Variants in IFT52 observed in about 807,000 individuals in gnomAD.
IFT52 encodes intraflagellar transport protein 52 homolog.
A neutral mutation model predicts 54.4 loss-of-function variants in IFT52; 44 were observed. That is an observed-to-expected ratio of 0.81 (90% CI 0.63 to 1.04). The LOEUF (loss-of-function observed/expected upper bound fraction) is 1.04, where lower values mean the gene tolerates loss of function less well. Among genes scored for constraint, IFT52 ranks in the 50% least tolerant of loss-of-function variants. IFT52 has a pLI of 0.00. For synonymous variants in IFT52, 181 were observed against 185.3 expected (o/e 0.98, Z 0.19); for missense variants, 452 against 523.6 (o/e 0.86, Z 1.33).
intron 1 of IFT52, among the ~76,000 whole-genome samples, chr20:43,591,686 T>C (rs1191460250): frequency 6.6e-6 from 1 of 152,136 alleles, no homozygotes. Context: ...TTAATGCTAA[T>C]AAGGGAGATT....
At chr20:43,621,458 T>A (rs1015625198) in intron 9 of IFT52, among the ~76,000 whole-genome samples, 26 of 152,198 alleles carry the variant, frequency 1.7e-4, no homozygotes, top group Non-Finnish European at 3.2e-4. Flanking sequence ...ATTAAAAAAA[T>A]TTTTTATTGT....
At chr20:43,603,039 AT>A (rs1982581150) in intron 3 of IFT52, among the ~76,000 whole-genome samples, 1 of 152,182 alleles carries the variant, frequency 6.6e-6, no homozygotes, top group African/African-American at 2.4e-5. Context: ...GAATGTATTT[AT>A]ATACATGTTC....
intron 10 of IFT52, among the ~76,000 whole-genome samples, chr20:43,625,734 G>A (rs1035376105): frequency 6.6e-6 from 1 of 152,072 alleles, no homozygotes; most frequent in Non-Finnish European, 1.5e-5. Flanking sequence ...TGAGAATGGT[G>A]GGAGATCAGG....
intron 12 of IFT52, among the ~76,000 whole-genome samples, chr20:43,638,373 T>C (rs905115078): frequency 6.6e-6 from 1 of 152,120 alleles, no homozygotes; most frequent in Non-Finnish European, 1.5e-5. Context: ...GTGTTTTTAG[T>C]AGAGATGGGG....
At chr20:43,603,626 T>C in intron 3 of IFT52, 134 bp from the exon 4 acceptor site, 2 of 754,596 alleles carry the variant, frequency 2.7e-6, no homozygotes, top group Non-Finnish European at 4.2e-6. Flanking sequence ...GTACTTTTTA[T>C]CTTATATACA....
chr20:43,609,957 A>AAATT (rs1568738807), intron 6 of IFT52, among the ~76,000 whole-genome samples: 1 of 151,112 alleles, frequency 6.6e-6, no homozygotes, highest in African/African-American at 2.4e-5. Context: ...TTGAAAAAAT[A>AAATT]AAATAAAATT....
At chr20:43,613,748 CTG>C (rs1983634805) in intron 6 of IFT52, 100 bp from the exon 7 acceptor site, 2 of 1,158,628 alleles carry the variant, frequency 1.7e-6, no homozygotes, top group East Asian at 2.4e-5. Context: ...CTGAGTGAGA[CTG>C]TTTCAAAAAA....
At chr20:43,596,736 C>CTCTT (rs1293519702) in intron 3 of IFT52, among the ~76,000 whole-genome samples, 1 of 75,910 alleles carries the variant, frequency 1.3e-5, no homozygotes, top group Non-Finnish European at 2.5e-5. Context: ...AGCCACACTT[C>CTCTT]TTTTTTTTTT....
At chr20:43,634,254 A>G (rs1220551730) in intron 10 of IFT52, among the ~76,000 whole-genome samples, 1 of 152,152 alleles carries the variant, frequency 6.6e-6, no homozygotes, top group Non-Finnish European at 1.5e-5. Flanking sequence ...GATAAAGCAC[A>G]TAATACTTTA....
At chr20:43,597,371 CA>C (rs763586460) in intron 3 of IFT52, among the ~76,000 whole-genome samples, 9 of 22,328 alleles carry the variant, frequency 4.0e-4, no homozygotes, top group Non-Finnish European at 3.0e-4. Flanking sequence ...AACTCCATCT[CA>C]AAAAAAAAAA....
chr20:43,645,865 A>T lies in IFT52; in HGVS notation c.1267-1071A>T, dbSNP rs1255978420. On this transcript the variant is annotated intron_variant, in intron 13 of 13. Coordinates refer to ENST00000373030, the MANE Select transcript of IFT52 (RefSeq NM_016004.5). ...GGGTGATAGAGTGAGACCCTGTTTA[A>T]AAAAAAAAAAAAAAGATAGTGTTTA... is the stretch of plus-strand genomic sequence containing the variant. 7.7e-4 allele frequency among the ~76,000 whole-genome samples: 36 copies of T among 46,672 alleles called. 8 individuals carry two copies. Among genetic ancestry groups the T allele is most frequent in the South Asian group, 6.6e-3 (8 of 1,212 alleles). The allele number at this position is 46,672 out of a possible 152,430, so 30.6% of individuals were successfully genotyped here. A position where few individuals can be genotyped will look rare whatever the true frequency, so the allele number is the denominator to read the frequency against.
intron 8 of IFT52, among the ~76,000 whole-genome samples, chr20:43,619,808 T>TAA (rs1984138074): frequency 6.6e-6 from 1 of 152,106 alleles, no homozygotes; most frequent in African/African-American, 2.4e-5. Context: ...AAGAAACGCC[T>TAA]TATAATTGTT....
intron 12 of IFT52, among the ~76,000 whole-genome samples, chr20:43,641,385 T>C (rs1398380914): frequency 6.6e-6 from 1 of 151,690 alleles, no homozygotes; most frequent in African/African-American, 2.4e-5. Flanking sequence ...ATTATAGGCA[T>C]GCACCACCAC....
chr20:43,609,597 C>T (rs1225691962), intron 6 of IFT52, among the ~76,000 whole-genome samples: 1 of 151,824 alleles, frequency 6.6e-6, no homozygotes, highest in African/African-American at 2.4e-5. Flanking sequence ...CATGGTGAAA[C>T]CCCATCTATA....
At chr20:43,611,530 A>T in intron 6 of IFT52, among the ~76,000 whole-genome samples, 1 of 124,456 alleles carries the variant, frequency 8.0e-6, no homozygotes. Flanking sequence ...TGCAACCTCC[A>T]CCTCCTGGGT....
At chr20:43,612,101 T>C (rs952409059) in intron 6 of IFT52, among the ~76,000 whole-genome samples, 2 of 152,144 alleles carry the variant, frequency 1.3e-5, no homozygotes, top group South Asian at 2.1e-4. Flanking sequence ...TTCTCCCTTA[T>C]GCCTTGAGAA....
Position 43,603,230 on chromosome 20 carries a change from A to G in IFT52, c.208-530A>G, listed in dbSNP as rs144962249. Among the ~76,000 whole-genome samples, 152 of 152,244 alleles carry G rather than the reference A, an allele frequency of 1.0e-3. 2 individuals carry two copies. The highest frequency in any genetic ancestry group is 3.3e-3 in the African/African-American group (136 of 41,560). ...AAGCAGAAAACATGCGTTTCTCTCT[A>G]TGGTTTGGTTGGTCAATGACCTTGA... On this transcript the variant is annotated intron_variant, in intron 3 of 13. Transcript: ENST00000373030.
At chr20:43,646,508 T>C (rs115195951) in intron 13 of IFT52, among the ~76,000 whole-genome samples, 2,471 of 152,266 alleles carry the variant, frequency 0.016, 95 homozygotes, top group African/African-American at 0.056. Flanking sequence ...AGAAGTGTAT[T>C]GGCAGTTACC....
chr20:43,642,633 C>T lies in IFT52; in HGVS notation c.1266+9C>T, dbSNP rs1190264322. 2 of 1,613,344 alleles carry T rather than the reference C, an allele frequency of 1.2e-6. No individual in the cohort carries two copies. The highest frequency in any genetic ancestry group is 2.2e-5 in the South Asian group (2 of 90,942). On this transcript the variant is annotated intron_variant, in intron 13 of 13. Transcript: ENST00000373030. ...TCAAGAAATTGAACCAGGTACAGAG[C>T]CTACAAGGCACAGTGTAGTGGGAGC...
Sources: gnomAD v4.1 joint callset for allele counts (sites outside exome capture counted in the v4.1 genomes callset) on GRCh38, gnomAD v4.1.1 for gene constraint, MANE v1.5 for transcripts, NCBI Gene and HGNC (gene_info 2026-07-23, HGNC 2026-07-21) for gene names.